The following ZBBX variants were observed in gnomAD, a reference collection of about 807,000 sequenced individuals.
The protein encoded by ZBBX is zinc finger B-box domain-containing protein 1.
In ZBBX, 101 loss-of-function variants were observed where a neutral mutation model predicts 108.5. The observed-to-expected ratio is 0.93, with a 90% CI of 0.79 to 1.10. ZBBX has a LOEUF of 1.10. Ranked by LOEUF, ZBBX falls within the 50% of genes least tolerant of loss-of-function variation. The pLI, the probability that ZBBX is intolerant of heterozygous loss-of-function variation, is 0.00. For synonymous variants in ZBBX, 356 were observed against 323.4 expected, an observed-to-expected ratio of 1.10 and a Z score of -1.08; for missense variants, 1,009 against 941.4, an observed-to-expected ratio of 1.07 and a Z score of -0.94.
intron 10 of ZBBX, among the ~76,000 whole-genome samples, chr3:167,328,410 G>C (rs1311988164): frequency 6.6e-6 from 1 of 151,926 alleles, no homozygotes; most frequent in Admixed American, 6.6e-5. Flanking sequence ...TCTCTGTAAA[G>C]GTGCAATTGC....
chr3:167,372,973 AG>A, intron 3 of ZBBX, 23 bp from the exon 4 acceptor site: 1 of 1,191,048 alleles, frequency 8.4e-7, no homozygotes, highest in Non-Finnish European at 1.2e-6. Flanking sequence ...CAAAGACAAA[AG>A]AATTATGGCA....
upstream of ZBBX, chr3:167,380,339 C>T (rs1747614448): frequency 6.6e-6 from 1 of 152,218 alleles, no homozygotes; most frequent in Non-Finnish European, 1.5e-5. Context: ...ACCGCGTTAC[C>T]TCGGTACCCA....
In ZBBX at chr3:167,349,745, A is replaced by C. The variant is rs150381580; in HGVS notation, c.528+675T>G. 2.3e-3 allele frequency among the ~76,000 whole-genome samples: 354 copies of C among 152,200 alleles called. 2 individuals carry two copies. Among genetic ancestry groups the C allele is most frequent in the African/African-American group, 7.1e-3 (296 of 41,570 alleles). On this transcript the variant is annotated intron_variant, in intron 9 of 21. Coordinates refer to ENST00000675490, the MANE Select transcript of ZBBX (RefSeq NM_001199201.2). ...CTAGCACATACCCTGCCTTCTAGAA[A>C]GTACTCAATAAATATTTGTTGAATA...
chr3:167,225,647 A>G, the ZBBX span, among the ~76,000 whole-genome samples: 1 of 151,718 alleles, frequency 6.6e-6, no homozygotes, highest in Non-Finnish European at 1.5e-5. Context: ...TCTTTTCTCT[A>G]TATACTATGC....
chr3:167,393,596 T>A (rs1748142486), intron 1 of ZBBX, among the ~76,000 whole-genome samples: 1 of 151,922 alleles, frequency 6.6e-6, no homozygotes, highest in Non-Finnish European at 1.5e-5. Context: ...GTACTTGTGA[T>A]TCTTTCCAGT....
intron 20 of ZBBX, among the ~76,000 whole-genome samples, chr3:167,274,459 G>T (rs1341131385): frequency 6.6e-6 from 1 of 152,114 alleles, no homozygotes; most frequent in Non-Finnish European, 1.5e-5. Flanking sequence ...AGCAAAGCCA[G>T]AACATGTTAA....
intron 18 of ZBBX, among the ~76,000 whole-genome samples, chr3:167,296,410 G>T (rs1731701234): frequency 6.6e-6 from 1 of 151,952 alleles, no homozygotes. Context: ...AGAAATAAAA[G>T]ACATTTGAAT....
chr3:167,310,368 C>G (rs879821524), intron 16 of ZBBX, among the ~76,000 whole-genome samples: 17 of 152,158 alleles, frequency 1.1e-4, no homozygotes, highest in Admixed American at 4.6e-4. Context: ...AAAGTCACTT[C>G]CACATTTTCA....
At chr3:167,294,210 G>T (rs1191823673) in intron 18 of ZBBX, among the ~76,000 whole-genome samples, 1 of 152,026 alleles carries the variant, frequency 6.6e-6, no homozygotes, top group Non-Finnish European at 1.5e-5. Flanking sequence ...AATTTCATAT[G>T]GAAACAAAAA....
At chr3:167,261,969 T>C (rs1724621323) in intron 20 of ZBBX, among the ~76,000 whole-genome samples, 1 of 152,156 alleles carries the variant, frequency 6.6e-6, no homozygotes, top group Admixed American at 6.5e-5. Flanking sequence ...TTTGGATCCC[T>C]GTGGTGCAGG....
the ZBBX span, among the ~76,000 whole-genome samples, chr3:167,192,232 ATTGT>A: frequency 2.0e-5 from 3 of 151,874 alleles, no homozygotes; most frequent in Admixed American, 1.3e-4. Flanking sequence ...TTATTTTCAC[ATTGT>A]TTATTTGTTT....
chr3:167,307,648 G>T (rs1159457928), intron 16 of ZBBX, among the ~76,000 whole-genome samples: 1 of 152,000 alleles, frequency 6.6e-6, no homozygotes, highest in African/African-American at 2.4e-5. Context: ...AGAAAACCCA[G>T]AAAATAGACC....
At chr3:167,251,449 G>A (rs934256589) in intron 20 of ZBBX, among the ~76,000 whole-genome samples, 1 of 152,156 alleles carries the variant, frequency 6.6e-6, no homozygotes, top group Admixed American at 6.5e-5. Flanking sequence ...CGTGGAGTTG[G>A]AGCCCCACAG....
intron 9 of ZBBX, among the ~76,000 whole-genome samples, chr3:167,335,794 T>C (rs1187901335): frequency 6.6e-6 from 1 of 151,812 alleles, no homozygotes; most frequent in Non-Finnish European, 1.5e-5. Context: ...CTATGAAAAA[T>C]GATGAACGTG....
At chr3:167,363,922 GT>G (rs964840357) in intron 6 of ZBBX, among the ~76,000 whole-genome samples, 2 of 151,998 alleles carry the variant, frequency 1.3e-5, no homozygotes, top group Admixed American at 6.6e-5. Context: ...TCATTACAAA[GT>G]GGTTTCACAT....
intron 21 of ZBBX, among the ~76,000 whole-genome samples, chr3:167,241,448 C>T (rs1195295444): frequency 2.0e-5 from 3 of 151,800 alleles, no homozygotes; most frequent in Non-Finnish European, 4.4e-5. Flanking sequence ...TAGTAAGGTC[C>T]CCTTATATTT....
the ZBBX span, among the ~76,000 whole-genome samples, chr3:167,207,996 A>G: frequency 1.3e-5 from 2 of 152,266 alleles, no homozygotes; most frequent in Admixed American, 1.3e-4. Context: ...GAGAATCTGC[A>G]TTTGGGGGAG....
intron 1 of ZBBX, among the ~76,000 whole-genome samples, chr3:167,397,560 G>A (rs1290280179): frequency 6.6e-6 from 1 of 151,804 alleles, no homozygotes; most frequent in Non-Finnish European, 1.5e-5. Context: ...GTAGAGAGTT[G>A]TGTTGACCAG....
chr3:167,203,151 T>A, the ZBBX span, among the ~76,000 whole-genome samples: 2 of 152,156 alleles, frequency 1.3e-5, 1 homozygote, highest in Middle Eastern at 6.3e-3. Context: ...AGTTCAAGAT[T>A]AAAGTGTTGG....
Sources: gnomAD v4.1 joint callset for allele counts (sites outside exome capture counted in the v4.1 genomes callset) on GRCh38, gnomAD v4.1.1 for gene constraint, MANE v1.5 for transcripts, NCBI Gene and HGNC (gene_info 2026-07-23, HGNC 2026-07-21) for gene names.